Variants in KAZN observed in about 807,000 individuals in gnomAD.
The protein encoded by KAZN is kazrin.
In KAZN, 40 loss-of-function variants were observed where a neutral mutation model predicts 87.4. The observed-to-expected ratio is 0.46, with a 90% CI of 0.36 to 0.60. KAZN has a LOEUF of 0.60. KAZN is among the 20% of genes least tolerant of loss of function. The pLI, the probability that KAZN is intolerant of heterozygous loss-of-function variation, is 0.00. For synonymous variants in KAZN, 466 were observed against 458.3 expected (o/e 1.02, Z -0.22); for missense variants, 898 against 1,073.9 (o/e 0.84, Z 2.29).
chr1:14,169,656 A>T (rs534798320), intron 1 of KAZN, among the ~76,000 whole-genome samples: 77 of 152,196 alleles, frequency 5.1e-4, no homozygotes, highest in African/African-American at 1.7e-3. Context: ...TCACAACTAG[A>T]CCTGCTGGAG....
chr1:14,232,615 G>A (rs963247531), intron 2 of KAZN, among the ~76,000 whole-genome samples: 9 of 152,136 alleles, frequency 5.9e-5, no homozygotes, highest in Non-Finnish European at 1.2e-4. Flanking sequence ...AGATACAATG[G>A]TTTCTTCTCC....
intron 1 of KAZN, among the ~76,000 whole-genome samples, chr1:13,945,708 T>TGAGAGAGAGAGA (rs1315403538): frequency 2.2e-5 from 3 of 134,622 alleles, no homozygotes; most frequent in South Asian, 5.5e-4. Flanking sequence ...TGTGTGTGTG[T>TGAGAGAGAGAGA]GTGAGAGAGA....
At position 14,275,810 on chromosome 1, in the gene KAZN, C is replaced by T. The variant is rs953880248; in HGVS notation, c.249+95218C>T. Among the ~76,000 whole-genome samples the T allele has an allele frequency of 2.6e-5, 4 of 152,176 alleles. No homozygotes were observed. The East Asian group carries it at 5.8e-4, about 22-fold the overall frequency. On this transcript the variant is annotated intron_variant, in intron 2 of 16. Coordinates refer to the KAZN transcript ENST00000636203. ...GCAAGAGAGTGTCTCTAGAAAAGTG[C>T]TTTCCAGCCTTTTTTACAACACAGT...
intron 1 of KAZN, among the ~76,000 whole-genome samples, chr1:14,006,605 C>T (rs537011374): frequency 1.3e-5 from 2 of 152,270 alleles, no homozygotes; most frequent in South Asian, 4.1e-4. Flanking sequence ...ACTATCCTTT[C>T]TCCAGTGTGT....
At chr1:14,301,247 C>T (rs905397701) in intron 2 of KAZN, among the ~76,000 whole-genome samples, 1 of 152,200 alleles carries the variant, frequency 6.6e-6, no homozygotes. Context: ...GTTGCATTTG[C>T]TCTATCTGAT....
intron 2 of KAZN, among the ~76,000 whole-genome samples, chr1:14,320,733 C>G (rs1293733624): frequency 6.6e-6 from 1 of 152,288 alleles, no homozygotes; most frequent in Non-Finnish European, 1.5e-5. Flanking sequence ...AAAACCGCAA[C>G]AGTTGGCAGA....
At chr1:14,853,902 A>T (rs1649761127) in intron 1 of KAZN, among the ~76,000 whole-genome samples, 1 of 152,294 alleles carries the variant, frequency 6.6e-6, no homozygotes, top group Non-Finnish European at 1.5e-5. Flanking sequence ...CAAGAAACGA[A>T]GATCAGAGGA....
At chr1:14,099,547 G>C (rs766512525) in intron 1 of KAZN, among the ~76,000 whole-genome samples, 13 of 152,144 alleles carry the variant, frequency 8.5e-5, no homozygotes, top group Non-Finnish European at 1.5e-4. Context: ...GTTGCCTTGA[G>C]AGATAACAGC....
At chr1:14,815,333 C>T (rs1263789279) in intron 1 of KAZN, among the ~76,000 whole-genome samples, 1 of 152,170 alleles carries the variant, frequency 6.6e-6, no homozygotes, top group African/African-American at 2.4e-5. Context: ...GTGTCGTTGG[C>T]AGTCCTCTGA....
At chr1:14,137,515 A>G (rs994638220) in intron 1 of KAZN, among the ~76,000 whole-genome samples, 2 of 152,058 alleles carry the variant, frequency 1.3e-5, no homozygotes, top group Non-Finnish European at 2.9e-5. Flanking sequence ...TTCTATTGAT[A>G]CCACCTCTCA....
At chr1:14,814,555 C>A (rs950273275) in intron 1 of KAZN, among the ~76,000 whole-genome samples, 1 of 152,220 alleles carries the variant, frequency 6.6e-6, no homozygotes, top group Admixed American at 6.5e-5. Flanking sequence ...CAGTCTCTGC[C>A]CCGTGCTCTG....
chr1:14,995,361 G>A (rs1462959172), intron 2 of KAZN, among the ~76,000 whole-genome samples: 1 of 152,148 alleles, frequency 6.6e-6, no homozygotes, highest in East Asian at 1.9e-4. Flanking sequence ...CCTTCCCTTT[G>A]CTATCATAAA....
chr1:13,923,860 G>A (rs940034738), intron 1 of KAZN, among the ~76,000 whole-genome samples: 5 of 152,130 alleles, frequency 3.3e-5, no homozygotes, highest in Non-Finnish European at 7.3e-5. Context: ...TAAATCCTAG[G>A]AAATGTCCAG....
chr1:14,721,549 G>A lies in KAZN; in HGVS notation c.226+122326G>A, dbSNP rs542541707. ...AGACAAGAACCTTGAAGGCAGCCTT[G>A]TTCGTGTTCGAGGTCTGGTTGTGTT... On this transcript the variant is annotated intron_variant, in intron 1 of 14. Transcript: ENST00000376030. Among the ~76,000 whole-genome samples the A allele has an allele frequency of 3.3e-5, 5 of 152,356 alleles. No individual in the cohort carries two copies. The South Asian group carries it at 1.0e-3, about 32-fold the overall frequency.
At chr1:14,722,959 A>G (rs1643193673) in intron 1 of KAZN, among the ~76,000 whole-genome samples, 1 of 152,048 alleles carries the variant, frequency 6.6e-6, no homozygotes, top group Non-Finnish European at 1.5e-5. Context: ...CATCTCTACA[A>G]AAAATTTTTT....
chr1:14,460,102 G>A (rs1015236116), intron 2 of KAZN, among the ~76,000 whole-genome samples: 15 of 152,318 alleles, frequency 9.8e-5, no homozygotes, highest in African/African-American at 3.4e-4. Context: ...GTGTTTGGAT[G>A]CCCAAGCCTG....
chr1:13,956,294 T>C (rs1557744542), intron 1 of KAZN, among the ~76,000 whole-genome samples: 5 of 128,408 alleles, frequency 3.9e-5, no homozygotes. Context: ...ACTACATCAT[T>C]TCTTTTCTTT....
chr1:14,736,073 C>T (rs747064590), intron 1 of KAZN, among the ~76,000 whole-genome samples: 14 of 152,128 alleles, frequency 9.2e-5, no homozygotes, highest in Non-Finnish European at 1.9e-4. Context: ...TTATTACCTC[C>T]GGTGGATGAG....
At chr1:14,569,882 G>A (rs1314045824) in intron 2 of KAZN, among the ~76,000 whole-genome samples, 1 of 151,670 alleles carries the variant, frequency 6.6e-6, no homozygotes, top group African/African-American at 2.4e-5. Context: ...GGAGGCCGAG[G>A]TGGGTGGATC....
Sources: gnomAD v4.1 joint callset for allele counts (sites outside exome capture counted in the v4.1 genomes callset) on GRCh38, gnomAD v4.1.1 for gene constraint, MANE v1.5 for transcripts, NCBI Gene and HGNC (gene_info 2026-07-23, HGNC 2026-07-21) for gene names.